Variants in MTM1 observed in about 807,000 individuals in gnomAD.
MTM1 encodes myotubularin 1, also known as myotubularin.
In MTM1, 9 loss-of-function variants were observed where a neutral mutation model predicts 52.1. That is an observed-to-expected ratio of 0.17 (90% CI 0.10 to 0.30). MTM1 has a LOEUF of 0.30. Ranked by LOEUF, MTM1 falls within the 10% of genes least tolerant of loss-of-function variation. MTM1 has a pLI of 1.00. For synonymous variants in MTM1, 136 were observed against 163.8 expected, an observed-to-expected ratio of 0.83 and a Z score of 1.29; for missense variants, 277 against 470.7, an observed-to-expected ratio of 0.59 and a Z score of 3.81.
chrX:150,645,324 C>A (rs782045962), intron 8 of MTM1, among the ~76,000 whole-genome samples: 1 of 112,415 alleles, frequency 8.9e-6, no homozygotes, highest in Non-Finnish European at 1.9e-5. Flanking sequence ...TTACCTCTCA[C>A]TTTTTGCCAA....
At chrX:150,638,032 G>A (rs899119322) in intron 6 of MTM1, among the ~76,000 whole-genome samples, 1 of 112,691 alleles carries the variant, frequency 8.9e-6, no homozygotes, top group African/African-American at 3.2e-5. Flanking sequence ...GGAGCAGTTA[G>A]GTTTTTATAA....
chrX:150,571,217 T>C (rs1472860420), intron 1 of MTM1, among the ~76,000 whole-genome samples: 1 of 112,466 alleles, frequency 8.9e-6, no homozygotes, highest in Non-Finnish European at 1.9e-5. Flanking sequence ...ATAGATTGTT[T>C]TCATTATTCT....
rs923200094 is a variant in MTM1 at position 150,663,677 on chromosome X, T to C, written c.1644+68T>C. The C allele has an allele frequency of 7.8e-6, 8 of 1,020,232 alleles. No individual in the cohort carries two copies. The East Asian group carries it at 2.4e-4, about 31-fold the overall frequency. 84.1% of individuals were successfully genotyped at this position (1,020,232 alleles called of 1,213,427 possible). On this transcript the variant is annotated intron_variant, in intron 14 of 14. Transcript: ENST00000370396. ...TTGCCTTAGATAATGTTATTTGGTA[T>C]GGATTTTTTTTAACAGCATGAAGAA...
intron 14 of MTM1, among the ~76,000 whole-genome samples, chrX:150,665,218 A>G (rs2040285262): frequency 8.9e-6 from 1 of 112,130 alleles, no homozygotes; most frequent in African/African-American, 3.2e-5. Flanking sequence ...GATCCTACAC[A>G]CATCTTTATC....
intron 1 of MTM1, among the ~76,000 whole-genome samples, chrX:150,588,577 C>A (rs782138091): frequency 1.8e-5 from 2 of 111,495 alleles, no homozygotes; most frequent in Non-Finnish European, 3.8e-5. Context: ...AAAAACAGTT[C>A]CTTAGTCTGG....
At position 150,597,390 on chromosome X, in the gene MTM1, C is replaced by T. The variant is rs782469127; in HGVS notation, c.136+820C>T. Among the ~76,000 whole-genome samples, 208 of 112,045 alleles carry T rather than the reference C, an allele frequency of 1.9e-3. 1 individual carries two copies. The highest frequency in any genetic ancestry group is 6.5e-3 in the African/African-American group (200 of 30,844). On this transcript the variant is annotated intron_variant, in intron 3 of 14. Coordinates refer to ENST00000370396, the MANE Select transcript of MTM1 (RefSeq NM_000252.3). ...CTGAGTCCACAAACTTGCACACATT[C>T]TAGTCTTGAAATGGAGACCAGTGGG...
At chrX:150,647,017 G>A (rs1333254154) in intron 9 of MTM1, among the ~76,000 whole-genome samples, 1 of 110,353 alleles carries the variant, frequency 9.1e-6, no homozygotes, top group Non-Finnish European at 1.9e-5. Flanking sequence ...GTTGTTTTTT[G>A]GTCCAGAGAT....
chrX:150,583,619 TTA>T (rs1221646636), intron 1 of MTM1, among the ~76,000 whole-genome samples: 1 of 34,546 alleles, frequency 2.9e-5, no homozygotes, highest in Admixed American at 7.3e-4. Flanking sequence ...TTTATATATA[TTA>T]TATATAATTT....
At chrX:150,623,097 G>A (rs1188075354) in intron 6 of MTM1, among the ~76,000 whole-genome samples, 2 of 111,787 alleles carry the variant, frequency 1.8e-5, no homozygotes, top group Non-Finnish European at 1.9e-5. Flanking sequence ...GTAGGGCCCT[G>A]GTAAAGTAAT....
Position 150,660,356 on chromosome X carries a change from C to A in MTM1, c.1354-15C>A. ...GTCCCAGTTTTTCATGCTTTGTTTG[C>A]TTGTTTTTGTTTAGTTCCCTACAGC... On this transcript the variant is annotated splice_polypyrimidine_tract_variant and intron_variant, in intron 12 of 14. Coordinates refer to ENST00000370396, the MANE Select transcript of MTM1 (RefSeq NM_000252.3). The A allele has an allele frequency of 9.7e-7, 1 of 1,029,736 alleles. No homozygotes were observed. Among genetic ancestry groups the A allele is most frequent in the Non-Finnish European group, 1.4e-6 (1 of 730,841 alleles). The allele number at this position is 1,029,736 out of a possible 1,213,427, so 84.9% of individuals were successfully genotyped here.
intron 1 of MTM1, among the ~76,000 whole-genome samples, chrX:150,583,909 T>C (rs1314157659): frequency 4.8e-5 from 2 of 41,868 alleles, no homozygotes; most frequent in East Asian, 1.1e-3. Flanking sequence ...TATATATATA[T>C]ATAATATAAA....
In MTM1 at chrX:150,614,442, G is replaced by C. The variant is rs10521888; in HGVS notation, c.232-147G>C. The C allele has an allele frequency of 0.095, 44,903 of 474,795 alleles. 1,849 individuals are homozygous for C. The highest frequency in any genetic ancestry group is 0.23 in the African/African-American group (9,400 of 41,529). 39.1% of individuals were successfully genotyped at this position (474,795 alleles called of 1,213,427 possible). A position where few individuals can be genotyped will look rare whatever the true frequency, so the allele number is the denominator to read the frequency against. On this transcript the variant is annotated intron_variant, in intron 4 of 14. Coordinates refer to ENST00000370396, the MANE Select transcript of MTM1 (RefSeq NM_000252.3). ...ACTGTTTTAATGCTTGCTCTGTCAT[G>C]TGTGATCTGTATCATATTTTTGTTC...
At chrX:150,625,668 G>A (rs1319535455) in intron 6 of MTM1, among the ~76,000 whole-genome samples, 1 of 112,138 alleles carries the variant, frequency 8.9e-6, no homozygotes, top group East Asian at 2.8e-4. Flanking sequence ...GGGAAACATG[G>A]CTCATTCAGG....
intron 6 of MTM1, among the ~76,000 whole-genome samples, chrX:150,630,558 C>T (rs1222849941): frequency 8.9e-6 from 1 of 111,989 alleles, no homozygotes; most frequent in Non-Finnish European, 1.9e-5. Flanking sequence ...TTGCATTTCT[C>T]CATTCTCTGT....
intron 4 of MTM1, among the ~76,000 whole-genome samples, chrX:150,608,666 T>C (rs781835076): frequency 4.5e-5 from 5 of 111,745 alleles, no homozygotes; most frequent in Non-Finnish European, 9.4e-5. Context: ...ACATTTAGAA[T>C]TTACTCTCAG....
intron 1 of MTM1, among the ~76,000 whole-genome samples, chrX:150,575,441 T>C (rs2038454663): frequency 1.8e-5 from 2 of 112,511 alleles, no homozygotes; most frequent in Admixed American, 9.3e-5. Context: ...CTTCATTGCC[T>C]TATGAATCAC....
intron 4 of MTM1, among the ~76,000 whole-genome samples, chrX:150,611,489 TG>T: frequency 8.9e-6 from 1 of 112,184 alleles, no homozygotes; most frequent in Non-Finnish European, 1.9e-5. Context: ...TACACTTTTT[TG>T]CTTTTTTATT....
At chrX:150,592,527 T>C (rs1557412508) in intron 1 of MTM1, 78 bp from the exon 2 acceptor site, 1 of 754,343 alleles carries the variant, frequency 1.3e-6, no homozygotes, top group African/African-American at 2.1e-5. Context: ...TCAGTTGCCA[T>C]ATTTAAGTCT....
chrX:150,624,239 T>C (rs368020116), intron 6 of MTM1, among the ~76,000 whole-genome samples: 72 of 112,459 alleles, frequency 6.4e-4, no homozygotes, highest in African/African-American at 2.2e-3. Flanking sequence ...TGGCCAAAAA[T>C]AGAAATTTAT....
Sources: gnomAD v4.1 joint callset for allele counts (sites outside exome capture counted in the v4.1 genomes callset) on GRCh38, gnomAD v4.1.1 for gene constraint, MANE v1.5 for transcripts, NCBI Gene and HGNC (gene_info 2026-07-23, HGNC 2026-07-21) for gene names.